The following FCHSD1 variants were observed in gnomAD, a reference collection of about 807,000 sequenced individuals.
FCHSD1 encodes FCH and double SH3 domains 1.
Under a neutral mutation model 101.3 loss-of-function variants are expected in FCHSD1, and 109 were observed. That is an observed-to-expected ratio of 1.08 (90% CI 0.92 to 1.26). FCHSD1 has a LOEUF of 1.26. Among genes scored for constraint, FCHSD1 ranks in the 50% most tolerant of loss-of-function variants. The pLI is 0.00. For synonymous variants in FCHSD1, 291 were observed against 356.8 expected (o/e 0.82, Z 2.08); for missense variants, 820 against 895.8 (o/e 0.92, Z 1.08).
chr5:141,640,181 C>A lies in FCHSD1; in HGVS notation c.*1317G>T, dbSNP rs1399113551. The stretch of plus-strand genomic sequence containing the variant: ...TAACCCCTCGTGCACTTGAAGGGAA[C>A]CCCAGAGCTTCTGCAGAGCCAACAC... On this transcript the variant is annotated 3_prime_UTR_variant, in exon 20 of 20. Coordinates refer to ENST00000435817, the MANE Select transcript of FCHSD1 (RefSeq NM_033449.3). The A allele has an allele frequency of 6.2e-7, 1 of 1,614,058 alleles. No individual in the cohort carries two copies. The highest frequency in any genetic ancestry group is 8.5e-7 in the Non-Finnish European group (1 of 1,180,016).
intron 17 of FCHSD1, 21 bp downstream of exon 17, chr5:141,644,197 C>A: frequency 6.3e-7 from 1 of 1,595,302 alleles, no homozygotes; most frequent in Non-Finnish European, 8.5e-7. Context: ...CTGGGGAGTT[C>A]AGGGAGAAGG....
chr5:141,647,125 A>G lies in FCHSD1; in HGVS notation c.924+10T>C. On this transcript the variant is annotated intron_variant, in intron 10 of 19. Transcript: ENST00000435817. Reference sequence around the variant, plus strand: ...ATGTGGCCTGGTTCCAACAAGCAGGAAGATCTCACCTGATCAGTCCCTGCT... The same window carrying G: ...ATGTGGCCTGGTTCCAACAAGCAGGGAGATCTCACCTGATCAGTCCCTGCT... 6.3e-7 allele frequency: 1 copy of G among 1,595,852 alleles called. No individual in the cohort carries two copies. Among genetic ancestry groups the G allele is most frequent in the Non-Finnish European group, 8.5e-7 (1 of 1,170,478 alleles).
In FCHSD1 at chr5:141,646,634, C is replaced by G; in HGVS notation, c.1013G>C (p.Arg338Pro). 6.2e-7 allele frequency: 1 copy of G among 1,613,210 alleles called. No homozygotes were observed. Among genetic ancestry groups the G allele is most frequent in the Non-Finnish European group, 8.5e-7 (1 of 1,179,656 alleles). Reference sequence around the variant, plus strand: ...CCCATGGTTCTGGATCTTGTAGTCACGGGCAGCTCGGCTGGTCAAGCGCTG... The same window carrying G: ...CCCATGGTTCTGGATCTTGTAGTCAGGGGCAGCTCGGCTGGTCAAGCGCTG... ...EVQRLTSRAA[R>P]DYKIQNHGHR... Residue 338 changes from arginine to proline, a missense_variant, in exon 11 of 20, where the codon CGT becomes CCT. Arg to Pro is a moderately radical substitution (Grantham distance 103). Coordinates refer to ENST00000435817, the MANE Select transcript of FCHSD1 (RefSeq NM_033449.3).
chr5:141,644,409 T>C lies in FCHSD1; in HGVS notation c.1672A>G (p.Thr558Ala). 1.2e-6 allele frequency: 2 copies of C among 1,613,816 alleles called. No individual in the cohort carries two copies. The highest frequency in any genetic ancestry group is 8.5e-7 in the Non-Finnish European group (1 of 1,179,826). ...CTCAGCTCCTCTGCACTCTGTCCGG[T>C]GTAGCTGTACAGGGCCTGTGCCAGG... ...AFLAQALYSYTGQSAEELSFP... is the reference protein window; with the variant it reads ...AFLAQALYSYAGQSAEELSFP... Residue 558 changes from threonine (T) to alanine (A), a missense_variant, in exon 17 of 20, where the codon ACC (threonine) becomes GCC (alanine). Physicochemically the swap from Thr to Ala is moderately conservative, Grantham distance 58. Transcript: ENST00000435817.
rs563760739 is a variant in FCHSD1 at position 141,649,110 on chromosome 5, C to T, written c.512+62G>A. ...CCCAGCTTTGGTGACTTGGCTCCAC[C>T]CCTAGACAGCCCCACCTCCCTGTTC... On this transcript the variant is annotated intron_variant, in intron 6 of 19. Transcript: ENST00000435817. The surrounding 1 kb of genome is among the most constrained non-coding windows in gnomAD (Gnocchi z 4.1). 13 of 1,613,638 alleles carry T rather than the reference C, an allele frequency of 8.1e-6. No homozygotes were observed. In the East Asian group the frequency reaches 2.9e-4, roughly 36 times the overall value.
chr5:141,642,514 TAATAA>T (rs3834836), intron 18 of FCHSD1: 14,560 of 572,308 alleles, frequency 0.025, 285 homozygotes, highest in East Asian at 0.039. Flanking sequence ...CTAAAATAAA[TAATAA>T]AATAAAACTG....
At chr5:141,650,474 G>A in intron 2 of FCHSD1, 70 bp from the exon 3 acceptor site, 2 of 1,601,442 alleles carry the variant, frequency 1.2e-6, no homozygotes, top group Non-Finnish European at 1.7e-6. Context: ...CCCATCCTCA[G>A]TCCTCTACTC....
chr5:141,646,799 T>A (rs1204932898), intron 10 of FCHSD1, 77 bp from the exon 11 acceptor site: 28 of 1,542,714 alleles, frequency 1.8e-5, no homozygotes, highest in Non-Finnish European at 2.4e-5. Flanking sequence ...TTCCACTCTA[T>A]CTTGACCTCC....
chr5:141,644,973 G>A, intron 14 of FCHSD1, 31 bp from the exon 15 acceptor site: 1 of 1,613,872 alleles, frequency 6.2e-7, no homozygotes, highest in Middle Eastern at 1.7e-4. Context: ...TCAGGACTTG[G>A]CTGTCCCCCA....
chr5:141,651,311 C>T lies in FCHSD1; in HGVS notation c.21+37G>A, dbSNP rs1387242668. 9.0e-6 allele frequency: 14 copies of T among 1,552,234 alleles called. No homozygotes were observed. The East Asian group carries it at 2.7e-4, about 30-fold the overall frequency. ...GCCCCCTTAGCTCCCTCCGTTCCCCCAGCCCGCCAGGAGTCCCCATTCAGG... is the reference window on the plus strand; with the variant it reads ...GCCCCCTTAGCTCCCTCCGTTCCCCTAGCCCGCCAGGAGTCCCCATTCAGG... On this transcript the variant is annotated intron_variant, in intron 1 of 19. Coordinates refer to ENST00000435817, the MANE Select transcript of FCHSD1 (RefSeq NM_033449.3).
At position 141,640,724 on chromosome 5, in the gene FCHSD1, G is replaced by T; in HGVS notation, c.*774C>A. On this transcript the variant is annotated 3_prime_UTR_variant, in exon 20 of 20. Coordinates refer to ENST00000435817, the MANE Select transcript of FCHSD1 (RefSeq NM_033449.3). ...GCTGGCAGGGCCAGGGGGTGGGTGG[G>T]CGTGAAAGCCCTCCCCTCCACTGGA... 1 of 1,512,896 alleles carries T rather than the reference G, an allele frequency of 6.6e-7. No homozygotes were observed. The highest frequency in any genetic ancestry group is 2.5e-5 in the East Asian group (1 of 40,776). 93.7% of individuals were successfully genotyped at this position (1,512,896 alleles called of 1,614,324 possible). A position where few individuals can be genotyped will look rare whatever the true frequency, so the allele number is the denominator to read the frequency against.
rs368318178 is a variant in FCHSD1 at position 141,645,757 on chromosome 5, G to T, written c.1311+14C>A. ...TTCTAAGTAAGGATGGGTAGTGTTG[G>T]GGGAGGAGCTCACGGTTGGAGAGAG... On this transcript the variant is annotated intron_variant, in intron 13 of 19. Coordinates refer to ENST00000435817, the MANE Select transcript of FCHSD1 (RefSeq NM_033449.3). 2 of 1,608,486 alleles carry T rather than the reference G, an allele frequency of 1.2e-6. No homozygotes were observed. Among genetic ancestry groups the T allele is most frequent in the African/African-American group, 1.3e-5 (1 of 74,954 alleles).
Position 141,642,760 on chromosome 5 carries a change from T to TCA in FCHSD1, c.1951+240_1951+241insTG, listed in dbSNP as rs1420155538. The TCA allele has an allele frequency of 5.5e-6, 3 of 549,098 alleles. No homozygotes were observed. The African/African-American group carries it at 6.0e-5, about 11-fold the overall frequency. The allele number at this position is 549,098 out of a possible 1,614,324, so 34.0% of individuals were successfully genotyped here. On this transcript the variant is annotated intron_variant, in intron 18 of 19. Coordinates refer to ENST00000435817, the MANE Select transcript of FCHSD1 (RefSeq NM_033449.3). ...CATAAGAATTCAATAAGCTAGTACC[T>TCA]TTTCCTTACCTCATAAAGAACATAA...
chr5:141,647,370 G>A, intron 9 of FCHSD1, 28 bp downstream of exon 9: 3 of 1,578,590 alleles, frequency 1.9e-6, no homozygotes, highest in Non-Finnish European at 2.6e-6. Context: ...GGATCCCCGG[G>A]GAAGCTCTTA....
At chr5:141,642,402 A>G in intron 18 of FCHSD1, 1 of 694,698 alleles carries the variant, frequency 1.4e-6, no homozygotes, top group South Asian at 1.5e-5. Context: ...ATTACCTATC[A>G]GGTACAATGT....
chr5:141,639,474 A>G lies in FCHSD1; in HGVS notation c.*2024T>C. The G allele has an allele frequency of 1.2e-6, 2 of 1,610,936 alleles. No individual in the cohort carries two copies. The highest frequency in any genetic ancestry group is 1.7e-6 in the Non-Finnish European group (2 of 1,178,026). ...CTCCCTGCTGTCCAGTGTGGATGCCACCTCCAGCCTGCAGGACGGAGCCCC... is the reference window on the plus strand; with the variant it reads ...CTCCCTGCTGTCCAGTGTGGATGCCGCCTCCAGCCTGCAGGACGGAGCCCC... On this transcript the variant is annotated 3_prime_UTR_variant, in exon 20 of 20. Coordinates refer to ENST00000435817, the MANE Select transcript of FCHSD1 (RefSeq NM_033449.3). This position sits in a 1 kb window ranked among gnomAD's most constrained non-coding sequence, Gnocchi z 4.4.
chr5:141,647,741 G>T, intron 8 of FCHSD1: 1 of 955,302 alleles, frequency 1.0e-6, no homozygotes, highest in East Asian at 2.7e-5. Context: ...GATAGGCAGA[G>T]AAAGGGTTAT....
intron 18 of FCHSD1, 139 bp downstream of exon 18, chr5:141,642,862 C>T (rs2099907122): frequency 1.3e-6 from 1 of 766,368 alleles, no homozygotes; most frequent in Non-Finnish European, 2.1e-6. Context: ...GTCAGCCTGG[C>T]TCCAGAGCCC....
In FCHSD1 at chr5:141,640,575, T is replaced by A; in HGVS notation, c.*923A>T. 6.4e-7 allele frequency: 1 copy of A among 1,555,638 alleles called. No individual in the cohort carries two copies. ...TAGCCTTTGCTATAAATCCCTTGGT[T>A]TGGTGGTGGAGGTAGGGAAGGTCCT... On this transcript the variant is annotated 3_prime_UTR_variant, in exon 20 of 20. Transcript: ENST00000435817.
Sources: gnomAD v4.1 joint callset for allele counts on GRCh38, gnomAD v4.1.1 for gene constraint, Gnocchi (gnomAD v3.1) non-coding constraint, MANE v1.5 for transcripts, NCBI Gene and HGNC (gene_info 2026-07-23, HGNC 2026-07-21) for gene names.